The following CENPU variants were observed in gnomAD, a reference collection of about 807,000 sequenced individuals.
CENPU encodes KSHV latent nuclear antigen interacting protein 1.
A neutral mutation model predicts 56.7 loss-of-function variants in CENPU; 46 were observed. The observed-to-expected ratio is 0.81, with a 90% CI of 0.64 to 1.04. CENPU has a LOEUF of 1.04. Ranked by LOEUF, CENPU falls within the 50% of genes least tolerant of loss-of-function variation. The pLI, the probability that CENPU is intolerant of heterozygous loss-of-function variation, is 0.00. For synonymous variants in CENPU, 166 were observed against 163.0 expected (o/e 1.02, Z -0.14); for missense variants, 510 against 490.1 (o/e 1.04, Z -0.38).
chr4:184,734,088 C>T lies in CENPU; in HGVS notation c.-26G>A. On this transcript the variant is annotated 5_prime_UTR_variant, in exon 1 of 13. Coordinates refer to ENST00000281453, the MANE Select transcript of CENPU (RefSeq NM_024629.4). ...GGTGCCGCTCTCCGCTCTCGAGCGA[C>T]TGGAAGCTCCCGCCAAGCCCCTCGC... 1 of 1,542,592 alleles carries T rather than the reference C, an allele frequency of 6.5e-7. No individual in the cohort carries two copies. The highest frequency in any genetic ancestry group is 8.7e-7 in the Non-Finnish European group (1 of 1,146,072).
At chr4:184,715,790 TTAATAA>T (rs958498586) in intron 6 of CENPU, among the ~76,000 whole-genome samples, 12 of 152,200 alleles carry the variant, frequency 7.9e-5, no homozygotes, top group African/African-American at 2.4e-4. Flanking sequence ...TGTTGAATAC[TTAATAA>T]TAAGTATATG....
chr4:184,730,585 G>A (rs536319067), intron 2 of CENPU, among the ~76,000 whole-genome samples: 2 of 105,204 alleles, frequency 1.9e-5, no homozygotes, highest in South Asian at 8.2e-4. Flanking sequence ...GAACTAAGTG[G>A]AGTATCATGA....
At chr4:184,730,201 A>G (rs1301529448) in intron 2 of CENPU, among the ~76,000 whole-genome samples, 2 of 152,192 alleles carry the variant, frequency 1.3e-5, no homozygotes, top group East Asian at 3.9e-4. Flanking sequence ...TTGGCTACCA[A>G]TGGCAGGGGC....
At position 184,695,310 on chromosome 4, in the gene CENPU, T is replaced by C; in HGVS notation, c.1235A>G (p.Glu412Gly). ...TTCTCATCCCTGGTCAAGGAGCTTC[T>C]CTAACTGATGGTTGATATTTCGCAG... ...SHLRNINHQL[E>G]KLLDQG The change falls in exon 13 of 13, where the codon GAG (glutamate) becomes GGG (glycine). Residue 412 changes from glutamate to glycine, a missense_variant. Glu to Gly is a moderately conservative substitution (Grantham distance 98). Transcript: ENST00000281453. 6.2e-7 allele frequency: 1 copy of C among 1,613,240 alleles called. No homozygotes were observed. Among genetic ancestry groups the C allele is most frequent in the Middle Eastern group, 1.7e-4 (1 of 6,046 alleles).
intron 4 of CENPU, among the ~76,000 whole-genome samples, chr4:184,717,627 T>C (rs2150219797): frequency 6.6e-6 from 1 of 152,356 alleles, no homozygotes; most frequent in East Asian, 1.9e-4. Context: ...TTCATTCTGT[T>C]CAATACAACA....
chr4:184,700,794 T>C (rs1277640891), intron 11 of CENPU, 26 bp downstream of exon 11: 3 of 1,602,896 alleles, frequency 1.9e-6, no homozygotes, highest in Middle Eastern at 1.7e-4. Context: ...AGGTAAGTGC[T>C]CAAACAGGAT....
Position 184,725,188 on chromosome 4 carries a change from A to G in CENPU, c.215-126T>C, listed in dbSNP as rs1229453114. The G allele has an allele frequency of 5.7e-6, 3 of 528,008 alleles. No individual in the cohort carries two copies. In the Admixed American group the frequency reaches 1.1e-4, roughly 19 times the overall value. 32.7% of individuals were successfully genotyped at this position (528,008 alleles called of 1,614,324 possible). The stretch of plus-strand genomic sequence containing the variant: ...AACTAACAAAATCAAAATCAATTAC[A>G]CAGGCCACTTCCCAAATGTTTTTGA... On this transcript the variant is annotated intron_variant, in intron 3 of 12. Coordinates refer to ENST00000281453, the MANE Select transcript of CENPU (RefSeq NM_024629.4).
chr4:184,694,694 A>C lies in CENPU; in HGVS notation c.*594T>G. On this transcript the variant is annotated 3_prime_UTR_variant, in exon 13 of 13. Coordinates refer to ENST00000281453, the MANE Select transcript of CENPU (RefSeq NM_024629.4). ...GCTACTGAAGATGCTGAATTAGCTG[A>C]AGCTGCAGAGAACAGTCTTCTCAGT... 1 of 1,613,846 alleles carries C rather than the reference A, an allele frequency of 6.2e-7. No homozygotes were observed.
chr4:184,726,968 G>C (rs1449910586), intron 3 of CENPU, among the ~76,000 whole-genome samples: 1 of 76,216 alleles, frequency 1.3e-5, no homozygotes, highest in Non-Finnish European at 3.2e-5. Flanking sequence ...TGGTGGTCCT[G>C]GGGGGTGGGG....
chr4:184,731,925 C>T (rs1160721386), intron 1 of CENPU, among the ~76,000 whole-genome samples: 2 of 84,342 alleles, frequency 2.4e-5, no homozygotes, highest in South Asian at 4.4e-4. Flanking sequence ...AGATACTGTG[C>T]ACTTCCACCC....
At chr4:184,731,091 A>T in intron 1 of CENPU, 123 bp from the exon 2 acceptor site, 2 of 714,860 alleles carry the variant, frequency 2.8e-6, no homozygotes, top group Non-Finnish European at 4.5e-6. Flanking sequence ...TATTCCACAA[A>T]TTTATTTTTT....
chr4:184,696,387 G>A (rs980207284), intron 12 of CENPU, among the ~76,000 whole-genome samples: 2 of 152,138 alleles, frequency 1.3e-5, no homozygotes, highest in African/African-American at 4.8e-5. Context: ...AGAACAGGAC[G>A]CTCATCAGGT....
chr4:184,725,818 G>A (rs186526047), intron 3 of CENPU, among the ~76,000 whole-genome samples: 1 of 152,282 alleles, frequency 6.6e-6, no homozygotes, highest in East Asian at 1.9e-4. Context: ...TAAAAGAGAA[G>A]GAGAGCAAAT....
chr4:184,722,809 T>C lies in CENPU; in HGVS notation c.320+2148A>G, dbSNP rs550687473. Among the ~76,000 whole-genome samples, 35 of 152,200 alleles carry C rather than the reference T, an allele frequency of 2.3e-4. No individual in the cohort carries two copies. The South Asian group carries it at 6.8e-3, about 30-fold the overall frequency. On this transcript the variant is annotated intron_variant, in intron 4 of 12. Coordinates refer to ENST00000281453, the MANE Select transcript of CENPU (RefSeq NM_024629.4). ...ATCAACTAGAAAATAGGAAAAAGGA[T>C]ATAAACAGTTTGCAGAAAGAGAAAT... is the stretch of plus-strand genomic sequence containing the variant.
chr4:184,697,411 G>A (rs1421770388), intron 12 of CENPU, among the ~76,000 whole-genome samples: 1 of 148,178 alleles, frequency 6.7e-6, no homozygotes, highest in East Asian at 1.9e-4. Flanking sequence ...AGCTGTCCGA[G>A]TGAAAATACC....
At chr4:184,695,608 T>C (rs532514733) in intron 12 of CENPU, among the ~76,000 whole-genome samples, 2 of 152,318 alleles carry the variant, frequency 1.3e-5, no homozygotes, top group African/African-American at 4.8e-5. Flanking sequence ...GGAGCTGCTC[T>C]GCAAAGCTTG....
intron 12 of CENPU, among the ~76,000 whole-genome samples, chr4:184,695,915 A>C (rs1760277919): frequency 6.6e-6 from 1 of 152,230 alleles, no homozygotes; most frequent in Admixed American, 6.5e-5. Context: ...GAATCAATTA[A>C]ATGTCTCAAA....
intron 1 of CENPU, 100 bp downstream of exon 1, chr4:184,733,916 G>T: frequency 6.6e-7 from 1 of 1,522,338 alleles, no homozygotes; most frequent in Non-Finnish European, 9.1e-7. Context: ...GACCTCCACA[G>T]TGGAGCACCA....
intron 2 of CENPU, among the ~76,000 whole-genome samples, chr4:184,730,697 C>T (rs575784034): frequency 4.6e-5 from 7 of 151,816 alleles, no homozygotes; most frequent in South Asian, 2.1e-4. Context: ...ATTATCTAAA[C>T]GAAAATAAAA....
Sources: allele counts gnomAD v4.1 joint callset (sites outside exome capture counted in the v4.1 genomes callset), GRCh38; gene constraint gnomAD v4.1.1; transcripts MANE v1.5; gene names NCBI Gene and HGNC (gene_info 2026-07-23, HGNC 2026-07-21).